Variants in HIRA observed in about 807,000 individuals in gnomAD.
HIRA encodes the protein protein HIRA.
A neutral mutation model predicts 126.6 loss-of-function variants in HIRA; 13 were observed. The observed-to-expected ratio is 0.10, with a 90% confidence interval of 0.07 to 0.16. The LOEUF is 0.16. Ranked by LOEUF, HIRA falls within the 10% of genes least tolerant of loss-of-function variation. HIRA has a pLI of 1.00. For missense variants in HIRA, 834 were observed against 1,314.4 expected (o/e 0.63, Z 5.65); for synonymous variants, 511 against 520.0 (o/e 0.98, Z 0.24).
At chr22:19,413,481 T>C (rs1425774758) in intron 1 of HIRA, among the ~76,000 whole-genome samples, 3 of 152,082 alleles carry the variant, frequency 2.0e-5, no homozygotes, top group South Asian at 4.1e-4. Flanking sequence ...AGATGAAATA[T>C]GGTAGGGGAC....
chr22:19,385,228 G>T (rs754593027), intron 12 of HIRA, among the ~76,000 whole-genome samples: 1 of 152,214 alleles, frequency 6.6e-6, no homozygotes, highest in African/African-American at 2.4e-5. Flanking sequence ...GAAATCCACT[G>T]TTGTTAGCAT....
intron 9 of HIRA, among the ~76,000 whole-genome samples, chr22:19,391,018 A>G (rs1280110758): frequency 6.6e-6 from 1 of 152,044 alleles, no homozygotes; most frequent in Non-Finnish European, 1.5e-5. Flanking sequence ...ATGAAAACGT[A>G]CATCCACATA....
chr22:19,423,894 C>T (rs1157724213), intron 1 of HIRA, among the ~76,000 whole-genome samples: 1 of 152,210 alleles, frequency 6.6e-6, no homozygotes, highest in Non-Finnish European at 1.5e-5. Flanking sequence ...AAATGAACTC[C>T]TTGGGTAAGG....
Position 19,431,645 on chromosome 22 carries a change from G to T in HIRA, c.-169C>A. The T allele has an allele frequency of 1.6e-6, 1 of 610,264 alleles. No individual in the cohort carries two copies. The highest frequency in any genetic ancestry group is 2.2e-6 in the Non-Finnish European group (1 of 459,374). 37.8% of individuals were successfully genotyped at this position (610,264 alleles called of 1,614,324 possible). ...TCGCCGGCCCGCGCCCCCCTCCGCC[G>T]CCACAGCCGCCACCCGCGCTCGGCC... is the stretch of plus-strand genomic sequence containing the variant. On this transcript the variant is annotated 5_prime_UTR_variant, in exon 1 of 25. Transcript: ENST00000263208.
In HIRA at chr22:19,431,612, C is replaced by A; in HGVS notation, c.-136G>T. On this transcript the variant is annotated 5_prime_UTR_variant, in exon 1 of 25. Transcript: ENST00000263208. ...CGCCCGCCCCGCGCCCTCAGGGCCGCCGCGCCATCGCCGGCCCGCGCCCCC... is the reference window on the plus strand; with the variant it reads ...CGCCCGCCCCGCGCCCTCAGGGCCGACGCGCCATCGCCGGCCCGCGCCCCC... 1.2e-6 allele frequency: 1 copy of A among 826,976 alleles called. No homozygotes were observed. The highest frequency in any genetic ancestry group is 5.3e-5 in the South Asian group (1 of 18,950). The allele number at this position is 826,976 out of a possible 1,614,324, so 51.2% of individuals were successfully genotyped here. A position where few individuals can be genotyped will look rare whatever the true frequency, so the allele number is the denominator to read the frequency against.
intron 11 of HIRA, among the ~76,000 whole-genome samples, chr22:19,387,220 C>T (rs892568440): frequency 5.9e-5 from 9 of 152,224 alleles, no homozygotes; most frequent in African/African-American, 2.2e-4. Flanking sequence ...AAGAGCCATG[C>T]TATTTTCTGA....
intron 1 of HIRA, among the ~76,000 whole-genome samples, chr22:19,429,696 A>G (rs1422245385): frequency 1.3e-5 from 2 of 152,192 alleles, no homozygotes; most frequent in South Asian, 4.1e-4. Flanking sequence ...TCACTTAAGC[A>G]TCTTGACTTA....
chr22:19,350,638 C>T (rs1412582081), intron 24 of HIRA, among the ~76,000 whole-genome samples: 1 of 152,156 alleles, frequency 6.6e-6, no homozygotes, highest in African/African-American at 2.4e-5. Context: ...ACAGAAGATA[C>T]TCCCTGACTG....
chr22:19,388,337 G>T, intron 10 of HIRA, 147 bp downstream of exon 10: 1 of 611,404 alleles, frequency 1.6e-6, no homozygotes. Context: ...CCCAAATCAC[G>T]TGCAAACAGC....
At chr22:19,344,935 T>G (rs1312370779) in intron 24 of HIRA, among the ~76,000 whole-genome samples, 1 of 152,202 alleles carries the variant, frequency 6.6e-6, no homozygotes, top group Admixed American at 6.5e-5. Flanking sequence ...TGCAACATTC[T>G]TTCTTGATAA....
chr22:19,392,808 C>T (rs2089193560), intron 8 of HIRA, among the ~76,000 whole-genome samples: 1 of 152,184 alleles, frequency 6.6e-6, no homozygotes, highest in Admixed American at 6.5e-5. Flanking sequence ...TGGTTGGCTG[C>T]TTAGTCCAGG....
intron 1 of HIRA, among the ~76,000 whole-genome samples, chr22:19,411,717 A>G (rs2089354398): frequency 6.6e-6 from 1 of 152,224 alleles, no homozygotes; most frequent in Non-Finnish European, 1.5e-5. Context: ...GCTGTTGCCA[A>G]GAGTCTCTTA....
chr22:19,409,942 G>A (rs1158937088), intron 2 of HIRA, among the ~76,000 whole-genome samples: 2 of 152,158 alleles, frequency 1.3e-5, no homozygotes, highest in African/African-American at 2.4e-5. Flanking sequence ...CTTGATTCTG[G>A]GTGGAAGCAT....
chr22:19,395,774 G>C (rs1401485769), intron 7 of HIRA, among the ~76,000 whole-genome samples: 1 of 152,032 alleles, frequency 6.6e-6, no homozygotes, highest in Non-Finnish European at 1.5e-5. Context: ...TTTCCTATGG[G>C]GCTTTAAGCT....
chr22:19,347,252 T>C (rs1366405817), intron 24 of HIRA, among the ~76,000 whole-genome samples: 1 of 152,240 alleles, frequency 6.6e-6, no homozygotes, highest in Admixed American at 6.5e-5. Context: ...ATCTGGGTTC[T>C]TCACTTGTAA....
At chr22:19,430,135 T>C (rs2146264664) in intron 1 of HIRA, 1 of 152,204 alleles carries the variant, frequency 6.6e-6, no homozygotes, top group African/African-American at 2.4e-5. Context: ...GTGGAAGAGG[T>C]TGTTCAATGC....
At chr22:19,364,772 C>G (rs1188847959) in intron 15 of HIRA, among the ~76,000 whole-genome samples, 2 of 152,142 alleles carry the variant, frequency 1.3e-5, no homozygotes, top group African/African-American at 2.4e-5. Context: ...ATCGATAACC[C>G]TATAATGGCC....
chr22:19,385,744 A>T lies in HIRA; in HGVS notation c.1114-8T>A, dbSNP rs745417539. ...GGACTGGTGAATGCGGCTCTGGGGA[A>T]GCAAGGAGAGGCATGACATGCCAGC... On this transcript the variant is annotated splice_region_variant and splice_polypyrimidine_tract_variant and intron_variant, in intron 11 of 24. Coordinates refer to ENST00000263208, the MANE Select transcript of HIRA (RefSeq NM_003325.4). 2 of 1,610,822 alleles carry T rather than the reference A, an allele frequency of 1.2e-6. No individual in the cohort carries two copies. The highest frequency in any genetic ancestry group is 2.7e-5 in the African/African-American group (2 of 74,874).
chr22:19,396,676 G>A, intron 7 of HIRA, 111 bp downstream of exon 7: 3 of 1,112,302 alleles, frequency 2.7e-6, no homozygotes, highest in South Asian at 2.9e-5. Flanking sequence ...CCCGGACTCT[G>A]TGCATTCCCC....
Sources: gnomAD v4.1 joint callset for allele counts (sites outside exome capture counted in the v4.1 genomes callset) on GRCh38, gnomAD v4.1.1 for gene constraint, MANE v1.5 for transcripts, NCBI Gene and HGNC (gene_info 2026-07-23, HGNC 2026-07-21) for gene names.